The following NLRP14 variants were observed in gnomAD, a reference collection of about 807,000 sequenced individuals.
NLRP14 encodes the protein NLR family pyrin domain containing 14, also known as NACHT, LRR and PYD domains-containing protein 14.
A neutral mutation model predicts 94.7 loss-of-function variants in NLRP14; 105 were observed. The observed-to-expected ratio is 1.11, with a 90% CI of 0.95 to 1.30. NLRP14 has a LOEUF of 1.30. Ranked by LOEUF, NLRP14 falls within the 50% of genes most tolerant of loss-of-function variation. The pLI is 0.00. For synonymous variants in NLRP14, 508 were observed against 459.9 expected, an observed-to-expected ratio of 1.10 and a Z score of -1.34; for missense variants, 1,362 against 1,254.1, an observed-to-expected ratio of 1.09 and a Z score of -1.30.
rs773223465 is a variant in NLRP14, at chr11:7,060,033, C to T, written c.2773C>T (p.Arg925Trp). Residue 925 changes from arginine to tryptophan, a missense_variant, in exon 9 of 12, where the codon CGG (arginine) becomes TGG (tryptophan). Arg to Trp is a moderately radical substitution (Grantham distance 101). Transcript: ENST00000299481. The stretch of plus-strand genomic sequence containing the variant: ...AGTGAAGCTTCTGTGTGATGTCTTT[C>T]GGCATCCAAGCTGTAATCTTCAGGA... ...NGVKLLCDVF[R>W]HPSCNLQDLE... The T allele has an allele frequency of 5.1e-5, 83 of 1,612,578 alleles. No homozygotes were observed. The highest frequency in any genetic ancestry group is 8.9e-5 in the East Asian group (4 of 44,868).
At chr11:7,057,035 A>G (rs1425713552) in intron 6 of NLRP14, among the ~76,000 whole-genome samples, 2 of 151,976 alleles carry the variant, frequency 1.3e-5, no homozygotes, top group Non-Finnish European at 2.9e-5. Flanking sequence ...TCCAAATACC[A>G]GAAATGCTGC....
At chr11:7,051,040 A>G (rs534671853) in intron 6 of NLRP14, among the ~76,000 whole-genome samples, 1 of 152,294 alleles carries the variant, frequency 6.6e-6, no homozygotes, top group Non-Finnish European at 1.5e-5. Context: ...GATCAGTAGG[A>G]CTTGATAAGA....
the NLRP14 span, chr11:7,090,315 G>A: frequency 6.3e-7 from 1 of 1,576,316 alleles, no homozygotes; most frequent in Non-Finnish European, 8.6e-7. Context: ...AACAGACTTG[G>A]GACCAAAAAT....
At chr11:7,050,684 T>G (rs1047924691) in intron 6 of NLRP14, among the ~76,000 whole-genome samples, 7 of 152,176 alleles carry the variant, frequency 4.6e-5, no homozygotes, top group African/African-American at 1.7e-4. Context: ...GGAATAAGAC[T>G]TTCTTTGACG....
chr11:7,046,847 A>G lies in NLRP14; in HGVS notation c.2123+15A>G, dbSNP rs1852360418. The G allele has an allele frequency of 6.3e-7, 1 of 1,597,158 alleles. No individual in the cohort carries two copies. The highest frequency in any genetic ancestry group is 8.6e-7 in the Non-Finnish European group (1 of 1,164,942). ...CAAAAGCTACTGTAAGTCTGGTATG[A>G]GAAAATTTAATGGAGTTATTCTAAT... On this transcript the variant is annotated intron_variant, in intron 5 of 11. Coordinates refer to ENST00000299481, the MANE Select transcript of NLRP14 (RefSeq NM_176822.4).
chr11:7,059,841 C>T (rs2119684553), intron 8 of NLRP14, 53 bp from the exon 9 acceptor site: 1 of 1,465,450 alleles, frequency 6.8e-7, no homozygotes, highest in East Asian at 2.3e-5. Flanking sequence ...AGAAAGAAAT[C>T]TCTGGACAGT....
At chr11:7,047,267 A>T (rs1461953450) in intron 5 of NLRP14, among the ~76,000 whole-genome samples, 1 of 152,174 alleles carries the variant, frequency 6.6e-6, no homozygotes, top group Admixed American at 6.5e-5. Flanking sequence ...CACCCAAAAC[A>T]AGATAGAAAA....
At chr11:7,026,367 A>G (rs1274655060) in intron 1 of NLRP14, among the ~76,000 whole-genome samples, 1 of 152,260 alleles carries the variant, frequency 6.6e-6, no homozygotes, top group African/African-American at 2.4e-5. Flanking sequence ...ACACTCCTCA[A>G]AAGAAGACAT....
chr11:7,039,558 G>C (rs1045242369), intron 2 of NLRP14, among the ~76,000 whole-genome samples, 156 bp from the exon 3 acceptor site: 1 of 152,148 alleles, frequency 6.6e-6, no homozygotes, highest in South Asian at 2.1e-4. Context: ...TCTCAGCTAA[G>C]CTTATGGAGT....
chr11:7,054,375 A>T (rs1852489322), intron 6 of NLRP14, among the ~76,000 whole-genome samples: 1 of 152,128 alleles, frequency 6.6e-6, no homozygotes, highest in African/African-American at 2.4e-5. Context: ...TTTTTTGAGG[A>T]ACCTCCAAAC....
At chr11:7,027,219 C>A (rs550081911) in intron 1 of NLRP14, among the ~76,000 whole-genome samples, 3 of 151,350 alleles carry the variant, frequency 2.0e-5, no homozygotes, top group African/African-American at 7.3e-5. Flanking sequence ...TAAAACAAAA[C>A]AATAAAATTT....
chr11:7,058,363 G>A lies in NLRP14; in HGVS notation c.2546G>A (p.Cys849Tyr). Residue 849 changes from cysteine (C) to tyrosine (Y), a missense_variant, in exon 8 of 12, where the codon TGC (cysteine) becomes TAC (tyrosine). Cys to Tyr is a radical substitution (Grantham distance 194). Transcript: ENST00000299481. ...AGCAATAAAAGACTGACACATTTGT[G>A]CTTGGCAGACAATGTCTTGGGTGAT... ...LISNKRLTHL[C>Y]LADNVLGDGG... 1.9e-6 allele frequency: 3 copies of A among 1,612,614 alleles called. No homozygotes were observed. The highest frequency in any genetic ancestry group is 2.7e-5 in the African/African-American group (2 of 74,962).
chr11:7,037,062 G>A (rs1326934412), intron 1 of NLRP14, among the ~76,000 whole-genome samples: 1 of 152,200 alleles, frequency 6.6e-6, no homozygotes, highest in African/African-American at 2.4e-5. Flanking sequence ...CACATGTAGG[G>A]ATACCTGCAG....
intron 1 of NLRP14, among the ~76,000 whole-genome samples, chr11:7,037,626 A>G (rs1460781574): frequency 3.3e-5 from 5 of 152,194 alleles, no homozygotes; most frequent in Non-Finnish European, 5.9e-5. Context: ...TGAATAAGAA[A>G]TTGAATAAGG....
Position 7,038,622 on chromosome 11 carries a change from T to C in NLRP14, c.36T>C (p.Asp12=), listed in dbSNP as rs115887838. Residue 12 remains aspartate, a synonymous_variant, in exon 2 of 12, where the codon GAT becomes GAC. Coordinates refer to ENST00000299481, the MANE Select transcript of NLRP14 (RefSeq NM_176822.4). ...ADSSSSSFFP[D]FGLLLYLEEL... is the part of the protein sequence containing the mutation. ...CATCATCATCTTCTTTCTTTCCTGA[T>C]TTTGGGCTGCTATTGTATTTGGAGG... is the stretch of plus-strand genomic sequence containing the variant. 8.9e-4 allele frequency: 1,439 copies of C among 1,614,088 alleles called. 11 individuals carry two copies. In the African/African-American group the frequency reaches 0.017, roughly 19 times the overall value.
At chr11:7,061,613 A>G (rs1852623448) in intron 9 of NLRP14, among the ~76,000 whole-genome samples, 3 of 152,120 alleles carry the variant, frequency 2.0e-5, no homozygotes, top group Non-Finnish European at 4.4e-5. Flanking sequence ...AATATAAAGC[A>G]AATTACAATA....
In NLRP14 at chr11:7,059,973, C is replaced by T. The variant is rs1407748979; in HGVS notation, c.2713C>T (p.Leu905=). ...TCTACACAACAAGAGCCTGACGCATCTGGATCTAGGATCAAACTGGCTACA... is the reference window on the plus strand; with the variant it reads ...TCTACACAACAAGAGCCTGACGCATTTGGATCTAGGATCAAACTGGCTACA... ...SLLHNKSLTH[L]DLGSNWLQDN... The change falls in exon 9 of 12, where the codon CTG becomes TTG. Residue 905 remains leucine, a synonymous_variant. Transcript: ENST00000299481. The T allele has an allele frequency of 1.2e-6, 2 of 1,612,568 alleles. No individual in the cohort carries two copies. Among genetic ancestry groups the T allele is most frequent in the Non-Finnish European group, 1.7e-6 (2 of 1,178,910 alleles).
rs150132454 is a variant in NLRP14 at position 7,057,848 on chromosome 11, G to A, written c.2462+1G>A. ...CAAAGTGTTATCTAGAGAGACTGTC[G>A]TGAGTGTTTCTGTTTTGTTTTCTGT... On this transcript the variant is annotated splice_donor_variant, in intron 7 of 11. Transcript: ENST00000299481. LOFTEE classifies it high-confidence loss of function. 196 of 1,605,242 alleles carry A rather than the reference G, an allele frequency of 1.2e-4. No homozygotes were observed. In the African/African-American group the frequency reaches 2.0e-3, roughly 17 times the overall value.
intron 6 of NLRP14, 41 bp from the exon 7 acceptor site, chr11:7,057,636 C>T (rs760132018): frequency 3.2e-6 from 5 of 1,581,970 alleles, no homozygotes; most frequent in Non-Finnish European, 4.3e-6. Flanking sequence ...TAATTATTCT[C>T]TAAGGAGTGG....
Sources: gnomAD v4.1 joint callset for allele counts (sites outside exome capture counted in the v4.1 genomes callset) on GRCh38, gnomAD v4.1.1 for gene constraint, MANE v1.5 for transcripts, NCBI Gene and HGNC (gene_info 2026-07-23, HGNC 2026-07-21) for gene names.